Variants in MEP1B observed in about 807,000 individuals in gnomAD.
The protein encoded by MEP1B is N-benzoyl-L-tyrosyl-P-amino-benzoic acid hydrolase subunit beta.
Under a neutral mutation model 84.6 loss-of-function variants are expected in MEP1B, and 80 were observed. The observed-to-expected ratio is 0.95, with a 90% confidence interval of 0.79 to 1.14. The LOEUF (loss-of-function observed/expected upper bound fraction) is 1.14. Ranked by LOEUF, MEP1B falls within the 50% of genes most tolerant of loss-of-function variation. MEP1B has a pLI of 0.00. For synonymous variants in MEP1B, 273 were observed against 288.1 expected, an observed-to-expected ratio of 0.95 and a Z score of 0.53; for missense variants, 766 against 855.1, an observed-to-expected ratio of 0.90 and a Z score of 1.30.
chr18:32,205,326 C>T (rs1019027108), intron 7 of MEP1B, among the ~76,000 whole-genome samples: 7 of 152,126 alleles, frequency 4.6e-5, no homozygotes, highest in African/African-American at 1.7e-4. Context: ...TCATGTTTTC[C>T]ACATTCCACA....
rs200254969 is a variant in MEP1B at position 32,217,822 on chromosome 18, C to T, written c.1948C>T (p.Arg650Ter). Residue 650 changes from arginine (R) to a stop codon, truncating the protein, a stop_gained, in exon 14 of 15, where the codon CGA becomes TGA. Coordinates refer to ENST00000269202, the MANE Select transcript of MEP1B (RefSeq NM_005925.3). LOFTEE classifies it high-confidence loss of function. ...GERCEKRGSTRDTIVIAVSST... is the reference protein window; with the variant it reads ...GERCEKRGST Reference sequence around the variant, plus strand: ...AAGGTGTGAAAAGAGAGGCTCCACCCGAGACACCATAGTCATTGCTGTTTC... The same window carrying T: ...AAGGTGTGAAAAGAGAGGCTCCACCTGAGACACCATAGTCATTGCTGTTTC... The T allele has an allele frequency of 8.4e-5, 135 of 1,613,878 alleles. No homozygotes were observed. In the African/African-American group the frequency reaches 1.5e-3, roughly 17 times the overall value.
chr18:32,220,116 C>T (rs770496780), intron 14 of MEP1B, 115 bp from the exon 15 acceptor site: 2 of 965,592 alleles, frequency 2.1e-6, no homozygotes, highest in African/African-American at 3.3e-5. Context: ...GGAGGGAGGC[C>T]AGGAGACTGC....
intron 12 of MEP1B, among the ~76,000 whole-genome samples, chr18:32,215,690 G>A (rs2041076980): frequency 6.6e-6 from 1 of 152,232 alleles, no homozygotes; most frequent in Non-Finnish European, 1.5e-5. Flanking sequence ...TGGGCGTGGT[G>A]GCGGGCGCCT....
Position 32,202,874 on chromosome 18 carries a change from G to T in MEP1B, c.251-19G>T, listed in dbSNP as rs1427960964. 6.7e-7 allele frequency: 1 copy of T among 1,502,916 alleles called. No homozygotes were observed. The highest frequency in any genetic ancestry group is 1.2e-5 in the South Asian group (1 of 84,992). The allele number at this position is 1,502,916 out of a possible 1,614,324, so 93.1% of individuals were successfully genotyped here. ...TGATTGTTTTAATAAGCTTATTTTT[G>T]TTTGTTTTCTTCCTTCAGAAATGAA... On this transcript the variant is annotated intron_variant, in intron 5 of 14. Coordinates refer to ENST00000269202, the MANE Select transcript of MEP1B (RefSeq NM_005925.3).
chr18:32,191,693 T>C (rs962470119), intron 1 of MEP1B, 129 bp from the exon 2 acceptor site: 7 of 550,314 alleles, frequency 1.3e-5, no homozygotes, highest in African/African-American at 1.2e-4. Flanking sequence ...CCTAAATACA[T>C]GTCAGGAAGT....
intron 5 of MEP1B, among the ~76,000 whole-genome samples, chr18:32,201,992 A>G (rs1025112494): frequency 6.6e-6 from 1 of 152,224 alleles, no homozygotes; most frequent in African/African-American, 2.4e-5. Context: ...TATCCTCACA[A>G]TATCCTGCAA....
chr18:32,203,079 C>T (rs2040928980), intron 6 of MEP1B, 69 bp downstream of exon 6: 2 of 893,742 alleles, frequency 2.2e-6, no homozygotes, highest in Non-Finnish European at 3.6e-6. Context: ...TACATTGCAG[C>T]AATCATCCTA....
intron 4 of MEP1B, 105 bp from the exon 5 acceptor site, chr18:32,195,302 C>T (rs1021082225): frequency 3.1e-5 from 21 of 675,624 alleles, no homozygotes; most frequent in African/African-American, 5.4e-5. Flanking sequence ...TTTGTTTGTG[C>T]GAACTGGGAG....
At chr18:32,218,735 T>C (rs2144441106) in intron 14 of MEP1B, among the ~76,000 whole-genome samples, 1 of 152,184 alleles carries the variant, frequency 6.6e-6, no homozygotes, top group South Asian at 2.1e-4. Context: ...CTTAGGCACG[T>C]CCTGAATCGA....
chr18:32,196,289 G>C lies in MEP1B; in HGVS notation c.250+804G>C. The C allele has an allele frequency of 1.4e-6, 1 of 706,614 alleles. No individual in the cohort carries two copies. The highest frequency in any genetic ancestry group is 2.6e-6 in the Non-Finnish European group (1 of 377,660). 43.8% of individuals were successfully genotyped at this position (706,614 alleles called of 1,614,324 possible). On this transcript the variant is annotated intron_variant, in intron 5 of 14. Transcript: ENST00000269202. This position sits in a 1 kb window ranked among gnomAD's most constrained non-coding sequence, Gnocchi z 4.4. Reference sequence around the variant, plus strand: ...GCCATGCTGGGGGCTGTGAAGTTGAGGGGCGGGATGTTGTTGCTGGAGCCG... The same window carrying C: ...GCCATGCTGGGGGCTGTGAAGTTGACGGGCGGGATGTTGTTGCTGGAGCCG...
intron 11 of MEP1B, among the ~76,000 whole-genome samples, chr18:32,214,163 T>G (rs2041059368): frequency 6.6e-6 from 1 of 152,190 alleles, no homozygotes; most frequent in African/African-American, 2.4e-5. Context: ...CATTCAAGTG[T>G]TGGTGGGAAG....
intron 12 of MEP1B, among the ~76,000 whole-genome samples, chr18:32,216,469 G>A (rs2041090793): frequency 6.6e-6 from 1 of 152,210 alleles, no homozygotes; most frequent in African/African-American, 2.4e-5. Context: ...GCTCTACCAA[G>A]CCAGAGACCT....
chr18:32,216,138 T>C (rs930099148), intron 12 of MEP1B, among the ~76,000 whole-genome samples: 3 of 152,082 alleles, frequency 2.0e-5, no homozygotes, highest in Non-Finnish European at 2.9e-5. Flanking sequence ...GGTAGGATTT[T>C]AACTCATTTT....
intron 14 of MEP1B, among the ~76,000 whole-genome samples, chr18:32,218,363 G>A (rs1351782402): frequency 6.6e-6 from 1 of 152,178 alleles, no homozygotes; most frequent in Admixed American, 6.5e-5. Flanking sequence ...GAGGCCATAG[G>A]AAGGGGATGC....
chr18:32,214,471 T>C (rs1359857380), intron 11 of MEP1B, among the ~76,000 whole-genome samples: 3 of 152,316 alleles, frequency 2.0e-5, no homozygotes, highest in Middle Eastern at 3.4e-3. Flanking sequence ...AATGGAATTG[T>C]AGGGACTTGA....
At chr18:32,218,753 G>A (rs1477381438) in intron 14 of MEP1B, among the ~76,000 whole-genome samples, 1 of 152,150 alleles carries the variant, frequency 6.6e-6, no homozygotes, top group Non-Finnish European at 1.5e-5. Context: ...CGAGGGAGGG[G>A]GCCAGGCCTT....
chr18:32,216,876 AAAAAG>A, intron 12 of MEP1B, 110 bp from the exon 13 acceptor site: 2 of 1,298,820 alleles, frequency 1.5e-6, no homozygotes, highest in Non-Finnish European at 2.1e-6. Flanking sequence ...TCTAAAAAAA[AAAAAG>A]AAAGAAAGAA....
chr18:32,219,502 C>T (rs866735664), intron 14 of MEP1B, among the ~76,000 whole-genome samples: 2 of 152,064 alleles, frequency 1.3e-5, no homozygotes, highest in African/African-American at 2.4e-5. Flanking sequence ...CCTGCAAGTT[C>T]GGTCTCCTGG....
chr18:32,220,189 A>T lies in MEP1B; in HGVS notation c.2092-42A>T, dbSNP rs1202607716. 3 of 1,561,982 alleles carry T rather than the reference A, an allele frequency of 1.9e-6. No homozygotes were observed. The South Asian group carries it at 3.5e-5, about 18-fold the overall frequency. ...ATGATTCATTTAAATAGCAGTTTTT[A>T]AATTTAGAAATTAAATCATCAATTG... On this transcript the variant is annotated intron_variant, in intron 14 of 14. Transcript: ENST00000269202.
Sources: gnomAD v4.1 joint callset for allele counts (sites outside exome capture counted in the v4.1 genomes callset) on GRCh38, gnomAD v4.1.1 for gene constraint, Gnocchi (gnomAD v3.1) non-coding constraint, MANE v1.5 for transcripts, NCBI Gene and HGNC (gene_info 2026-07-23, HGNC 2026-07-21) for gene names.